Variants in SLC24A3 observed in about 807,000 individuals in gnomAD.
The protein encoded by SLC24A3 is sodium/potassium/calcium exchanger 3.
SLC24A3 carries 28 observed loss-of-function variants against 75.8 expected under a neutral mutation model. The observed-to-expected ratio is 0.37, with a 90% CI of 0.27 to 0.51. The LOEUF (loss-of-function observed/expected upper bound fraction) is 0.51. Among genes scored for constraint, SLC24A3 ranks in the 20% least tolerant of loss-of-function variants. SLC24A3 has a pLI of 0.94. For missense variants in SLC24A3, 663 were observed against 847.8 expected (o/e 0.78, Z 2.71); for synonymous variants, 372 against 334.1 (o/e 1.11, Z -1.24).
intron 3 of SLC24A3, among the ~76,000 whole-genome samples, chr20:19,552,416 T>C (rs2030712313): frequency 1.3e-5 from 2 of 152,248 alleles, no homozygotes; most frequent in Non-Finnish European, 2.9e-5. Flanking sequence ...ACTCTGACTT[T>C]ACCCCAGCTT....
chr20:19,714,986 ATGCAT>A (rs2122173296), intron 15 of SLC24A3, among the ~76,000 whole-genome samples: 1 of 152,322 alleles, frequency 6.6e-6, no homozygotes, highest in East Asian at 1.9e-4. Flanking sequence ...TGTGCTGGAA[ATGCAT>A]TGCCCCTCTT....
intron 2 of SLC24A3, among the ~76,000 whole-genome samples, chr20:19,433,523 G>T (rs1452220032): frequency 1.3e-5 from 2 of 152,148 alleles, no homozygotes; most frequent in African/African-American, 4.8e-5. Context: ...ACAGTGGTTG[G>T]TTTTTCTCTT....
At chr20:19,346,243 G>A (rs200451208) in intron 2 of SLC24A3, among the ~76,000 whole-genome samples, 1 of 36,064 alleles carries the variant, frequency 2.8e-5, no homozygotes, top group Non-Finnish European at 4.7e-5. Context: ...ATATATATAT[G>A]GTGTATATAT....
At chr20:19,246,466 G>A (rs1273558925) in intron 1 of SLC24A3, among the ~76,000 whole-genome samples, 8 of 152,060 alleles carry the variant, frequency 5.3e-5, no homozygotes, top group Non-Finnish European at 1.2e-4. Flanking sequence ...GGAGGATATA[G>A]GTACAGCTAT....
In SLC24A3 at chr20:19,650,521, A is replaced by G. The variant is rs143941634; in HGVS notation, c.613-3541A>G. On this transcript the variant is annotated intron_variant, in intron 6 of 16. Coordinates refer to ENST00000328041, the MANE Select transcript of SLC24A3 (RefSeq NM_020689.4). Reference sequence around the variant, plus strand: ...CTTTCCATTAGTTTGCCTGTTCCTGATATTTGCTCAACATCTCTAAATAAC... The same window carrying G: ...CTTTCCATTAGTTTGCCTGTTCCTGGTATTTGCTCAACATCTCTAAATAAC... 3.4e-3 allele frequency among the ~76,000 whole-genome samples: 517 copies of G among 152,212 alleles called. 3 individuals carry two copies. Among genetic ancestry groups the G allele is most frequent in the African/African-American group, 0.012 (499 of 41,520 alleles).
intron 2 of SLC24A3, among the ~76,000 whole-genome samples, chr20:19,288,891 CA>C (rs1983875179): frequency 6.6e-6 from 1 of 152,174 alleles, no homozygotes; most frequent in Admixed American, 6.5e-5. Context: ...GTTTCTATGG[CA>C]ACTTTTGCTC....
intron 2 of SLC24A3, among the ~76,000 whole-genome samples, chr20:19,443,946 T>G (rs1987337612): frequency 6.6e-6 from 1 of 152,194 alleles, no homozygotes; most frequent in Non-Finnish European, 1.5e-5. Context: ...TAAAGTATCT[T>G]GTTTCTTACC....
chr20:19,386,902 G>T (rs900177786), intron 2 of SLC24A3, among the ~76,000 whole-genome samples: 4 of 152,006 alleles, frequency 2.6e-5, no homozygotes, highest in Admixed American at 2.6e-4. Context: ...GCCTTTGGAG[G>T]AATTTAAGGA....
intron 3 of SLC24A3, among the ~76,000 whole-genome samples, chr20:19,555,508 C>G (rs1159033965): frequency 6.6e-6 from 1 of 152,146 alleles, no homozygotes; most frequent in Non-Finnish European, 1.5e-5. Flanking sequence ...GGTAGACAAT[C>G]CCTGGATTAC....
At chr20:19,370,873 G>A (rs73288714) in intron 2 of SLC24A3, among the ~76,000 whole-genome samples, 3,119 of 152,216 alleles carry the variant, frequency 0.02, 40 homozygotes, top group East Asian at 0.035. Context: ...GGTTAGACCG[G>A]CTCTGGGCTG....
At chr20:19,314,625 C>T (rs1984541292) in intron 2 of SLC24A3, among the ~76,000 whole-genome samples, 1 of 152,166 alleles carries the variant, frequency 6.6e-6, no homozygotes, top group Non-Finnish European at 1.5e-5. Context: ...TTTAAATCTT[C>T]TTTACTGGAA....
At chr20:19,497,501 A>T (rs570516741) in intron 2 of SLC24A3, among the ~76,000 whole-genome samples, 3 of 152,194 alleles carry the variant, frequency 2.0e-5, no homozygotes, top group African/African-American at 7.2e-5. Context: ...GTGAAATGTA[A>T]TGCAATTCCA....
chr20:19,477,908 A>G lies in SLC24A3; in HGVS notation c.272-37580A>G, dbSNP rs928107140. Among the ~76,000 whole-genome samples the G allele has an allele frequency of 2.0e-5, 3 of 152,352 alleles. 1 individual carries two copies. The highest frequency in any genetic ancestry group is 2.4e-5 in the African/African-American group (1 of 41,570). On this transcript the variant is annotated intron_variant, in intron 2 of 16. Transcript: ENST00000328041. ...GCAGGTATTAGAAGTGAATGAAAGA[A>G]TGGGTTCTCATCTTCACAAAGGACA...
intron 6 of SLC24A3, among the ~76,000 whole-genome samples, chr20:19,610,305 C>T (rs1438896399): frequency 6.6e-6 from 1 of 152,158 alleles, no homozygotes; most frequent in Non-Finnish European, 1.5e-5. Flanking sequence ...AATTTTGCTT[C>T]TCCAAGGTGT....
At chr20:19,582,487 G>A (rs1367444754) in intron 4 of SLC24A3, among the ~76,000 whole-genome samples, 2 of 152,180 alleles carry the variant, frequency 1.3e-5, no homozygotes, top group Non-Finnish European at 2.9e-5. Flanking sequence ...AAAATGTGGG[G>A]TTCAGGAAAA....
intron 6 of SLC24A3, 70 bp downstream of exon 6, chr20:19,585,614 A>C (rs143667849): frequency 0.01 from 15,140 of 1,451,188 alleles, 118 homozygotes; most frequent in Non-Finnish European, 0.013. Flanking sequence ...GAGTTTAGGC[A>C]GGAGACTGTC....
chr20:19,444,870 T>G (rs1987354385), intron 2 of SLC24A3, among the ~76,000 whole-genome samples: 3 of 151,576 alleles, frequency 2.0e-5, no homozygotes, highest in Admixed American at 2.0e-4. Flanking sequence ...TAATCGGCTT[T>G]TTGTTGTTGT....
chr20:19,577,839 A>G (rs1216096004), intron 3 of SLC24A3, among the ~76,000 whole-genome samples: 1 of 152,262 alleles, frequency 6.6e-6, no homozygotes, highest in African/African-American at 2.4e-5. Context: ...CACAGTTTAT[A>G]TAACCCATTC....
chr20:19,393,371 C>T (rs1020960032), intron 2 of SLC24A3, among the ~76,000 whole-genome samples: 1 of 151,980 alleles, frequency 6.6e-6, no homozygotes, highest in Non-Finnish European at 1.5e-5. Context: ...CACTGGAAAT[C>T]CTAATCAGAG....
Sources: gnomAD v4.1 joint callset for allele counts (sites outside exome capture counted in the v4.1 genomes callset) on GRCh38, gnomAD v4.1.1 for gene constraint, MANE v1.5 for transcripts, NCBI Gene and HGNC (gene_info 2026-07-23, HGNC 2026-07-21) for gene names.